GASK1A: variants seen among roughly 807,000 people sequenced by gnomAD.
The protein encoded by GASK1A is Golgi-associated kinase 1A.
A neutral mutation model predicts 41.2 loss-of-function variants in GASK1A; 40 were observed. The observed-to-expected ratio is 0.97, with a 90% CI of 0.75 to 1.27. GASK1A has a LOEUF of 1.27. Ranked by LOEUF, GASK1A falls within the 50% of genes most tolerant of loss-of-function variation. The pLI is 0.00. For synonymous variants in GASK1A, 316 were observed against 307.1 expected (o/e 1.03, Z -0.30); for missense variants, 678 against 745.1 (o/e 0.91, Z 1.05).
At chr3:43,055,837 C>G (rs1575454703) in intron 4 of GASK1A, 1 of 469,960 alleles carries the variant, frequency 2.1e-6, no homozygotes, top group African/African-American at 1.9e-5. Flanking sequence ...AGAGTCTACC[C>G]CTCCCAGCTC....
chr3:43,052,959 GTA>G (rs1474009416), intron 2 of GASK1A, among the ~76,000 whole-genome samples: 6 of 152,224 alleles, frequency 3.9e-5, no homozygotes, highest in African/African-American at 1.4e-4. Context: ...GGTGTCATCT[GTA>G]TGTGTCTATT....
chr3:43,006,760 A>C (rs1385683185), intron 1 of GASK1A, among the ~76,000 whole-genome samples: 1 of 152,180 alleles, frequency 6.6e-6, no homozygotes, highest in Non-Finnish European at 1.5e-5. Context: ...CTCAGGAAAC[A>C]CCCAAAGAGA....
intron 2 of GASK1A, among the ~76,000 whole-genome samples, chr3:43,044,394 G>T (rs1176827881): frequency 1.3e-5 from 2 of 152,146 alleles, no homozygotes; most frequent in African/African-American, 2.4e-5. Context: ...AGTGGGGGGT[G>T]AGGACAGTGC....
chr3:42,986,124 C>T (rs976622676), intron 1 of GASK1A, among the ~76,000 whole-genome samples: 8 of 152,178 alleles, frequency 5.3e-5, no homozygotes, highest in Non-Finnish European at 7.3e-5. Flanking sequence ...TATGTCCATA[C>T]GGTGGACTAC....
In GASK1A at chr3:43,032,977, G is replaced by T. The variant is rs781627439; in HGVS notation, c.714G>T (p.Gly238=). 6.4e-7 allele frequency: 1 copy of T among 1,551,326 alleles called. No individual in the cohort carries two copies. Among genetic ancestry groups the T allele is most frequent in the Non-Finnish European group, 8.7e-7 (1 of 1,146,882 alleles). ...CTGGCTCTGTTGAGAAGCTGCAAGG[G>T]TCAGTATGGTGTGATGCTGAGACGC... The part of the protein sequence containing the change: ...QWPGSVEKLQ[G]SVWCDAETLL... Residue 238 remains glycine (G), a synonymous_variant, in exon 2 of 5, where the codon GGG becomes GGT. Transcript: ENST00000430121.
chr3:43,011,403 G>A (rs1262003781), intron 1 of GASK1A, among the ~76,000 whole-genome samples: 2 of 150,254 alleles, frequency 1.3e-5, no homozygotes, highest in Non-Finnish European at 2.9e-5. Context: ...AAAAAAAATG[G>A]TTAGGAGATC....
intron 1 of GASK1A, 90 bp from the exon 2 acceptor site, chr3:43,032,177 C>T: frequency 9.8e-7 from 1 of 1,015,276 alleles, no homozygotes; most frequent in Non-Finnish European, 1.4e-6. Context: ...ATGAACTGAG[C>T]ACCTCATTTG....
chr3:43,033,268 T>A lies in GASK1A; in HGVS notation c.1005T>A (p.Asp335Glu). Residue 335 changes from aspartate to glutamate, a missense_variant, in exon 2 of 5, where the codon GAT becomes GAA. By Grantham distance (45) the Asp-to-Glu change is conservative. Transcript: ENST00000430121. Reference sequence around the variant, plus strand: ...CTGAGGTCCTGTCCTTCCACGTAGATCGTGTGCTGGGGCTGCGCCGGAGCC... The same window carrying A: ...CTGAGGTCCTGTCCTTCCACGTAGAACGTGTGCTGGGGCTGCGCCGGAGCC... ...DLPEVLSFHV[D>E]RVLGLRRSLP... 1 of 1,551,644 alleles carries A rather than the reference T, an allele frequency of 6.4e-7. No homozygotes were observed. The highest frequency in any genetic ancestry group is 1.2e-5 in the South Asian group (1 of 84,050).
chr3:43,032,576 A>C lies in GASK1A; in HGVS notation c.313A>C (p.Arg105=), dbSNP rs954493352. The C allele has an allele frequency of 1.1e-5, 17 of 1,551,168 alleles. No homozygotes were observed. The highest frequency in any genetic ancestry group is 1.5e-5 in the Non-Finnish European group (17 of 1,146,614). The change falls in exon 2 of 5, where the codon AGG becomes CGG. Residue 105 remains arginine (R), a synonymous_variant. Coordinates refer to ENST00000430121, the MANE Select transcript of GASK1A (RefSeq NM_001129908.3). The stretch of plus-strand genomic sequence containing the variant: ...CCATAGAGCAAGAGTGGACAGAAGC[A>C]GGGAGTCCCCAGGAGGGGACCTCAG... The part of the protein sequence containing the change: ...QGHRARVDRS[R]ESPGGDLRHP...
In GASK1A at chr3:43,033,430, C is replaced by G; in HGVS notation, c.1167C>G (p.Ala389=). Residue 389 remains alanine (A), a synonymous_variant, in exon 2 of 5, where the codon GCC becomes GCG. Coordinates refer to ENST00000430121, the MANE Select transcript of GASK1A (RefSeq NM_001129908.3). ...CAGATGAGGATCAGAACTCTCTGGC[C>G]TTGGGCTGGCTGCAGTATCAGGCCC... The part of the protein sequence containing the change: ...SDPDEDQNSL[A]LGWLQYQALL... 6.4e-7 allele frequency: 1 copy of G among 1,551,506 alleles called. No homozygotes were observed. Among genetic ancestry groups the G allele is most frequent in the Non-Finnish European group, 8.7e-7 (1 of 1,147,004 alleles).
intron 2 of GASK1A, among the ~76,000 whole-genome samples, chr3:43,036,126 C>A (rs564940870): frequency 2.0e-5 from 3 of 152,244 alleles, no homozygotes; most frequent in Non-Finnish European, 2.9e-5. Context: ...CAGCGTGGGA[C>A]TCTTCCTCAG....
Position 43,033,347 on chromosome 3 carries a change from G to C in GASK1A, c.1084G>C (p.Asp362His), listed in dbSNP as rs958091587. The C allele has an allele frequency of 1.2e-5, 18 of 1,551,372 alleles. No homozygotes were observed. In the African/African-American group the frequency reaches 2.0e-4, roughly 18 times the overall value. The part of the protein sequence containing the change: ...HSPLLPYRYT[D>H]GGARPVIWWA... ...CCCCCTCCTGCCCTACCGATACACA[G>C]ACGGTGGAGCAAGGCCTGTCATCTG... Residue 362 changes from aspartate (D) to histidine (H), a missense_variant, in exon 2 of 5, where the codon GAC becomes CAC. Asp to His is a moderately conservative substitution (Grantham distance 81, BLOSUM62 -1). Coordinates refer to ENST00000430121, the MANE Select transcript of GASK1A (RefSeq NM_001129908.3).
In GASK1A at chr3:42,984,651, C is replaced by G. The variant is rs909559293; in HGVS notation, c.3+5006C>G. ...CTCACCACTTGTAGAGTCCAATTAA[C>G]AAGAGCAAGGTCTAGTATAAAGAAA... On this transcript the variant is annotated intron_variant, in intron 1 of 4. Coordinates refer to ENST00000430121, the MANE Select transcript of GASK1A (RefSeq NM_001129908.3). This position sits in a 1 kb window ranked among gnomAD's most constrained non-coding sequence, Gnocchi z 4.2. Among the ~76,000 whole-genome samples, 1 of 152,192 alleles carries G rather than the reference C, an allele frequency of 6.6e-6. No homozygotes were observed. The highest frequency in any genetic ancestry group is 2.4e-5 in the African/African-American group (1 of 41,442).
intron 2 of GASK1A, among the ~76,000 whole-genome samples, chr3:43,052,114 G>A (rs2089694105): frequency 6.6e-6 from 1 of 152,134 alleles, no homozygotes; most frequent in African/African-American, 2.4e-5. Flanking sequence ...TTAAGAAAAC[G>A]ACTAAAACCC....
At chr3:42,997,441 G>T (rs931990094) in intron 1 of GASK1A, among the ~76,000 whole-genome samples, 1 of 135,738 alleles carries the variant, frequency 7.4e-6, no homozygotes, top group South Asian at 2.3e-4. Context: ...AGAGAGAGGG[G>T]GGGGGGATCT....
At chr3:43,041,590 G>C (rs1450612041) in intron 2 of GASK1A, among the ~76,000 whole-genome samples, 1 of 152,192 alleles carries the variant, frequency 6.6e-6, no homozygotes, top group African/African-American at 2.4e-5. Flanking sequence ...TTGTCCATAA[G>C]AAGGCTATTT....
intron 1 of GASK1A, among the ~76,000 whole-genome samples, chr3:42,985,224 G>A (rs939093882): frequency 6.6e-6 from 1 of 152,134 alleles, no homozygotes; most frequent in Admixed American, 6.5e-5. Flanking sequence ...GGTTATAGGG[G>A]CCTCACTCTG....
At chr3:42,987,126 G>A (rs2089315903) in intron 1 of GASK1A, among the ~76,000 whole-genome samples, 1 of 152,254 alleles carries the variant, frequency 6.6e-6, no homozygotes, top group Non-Finnish European at 1.5e-5. Flanking sequence ...GCAGAGGGGT[G>A]CCTCCTTGGC....
intron 1 of GASK1A, among the ~76,000 whole-genome samples, chr3:42,986,940 C>T (rs1250426988): frequency 1.3e-5 from 2 of 152,204 alleles, no homozygotes; most frequent in Non-Finnish European, 2.9e-5. Context: ...CTTGTTCAGG[C>T]ATCCGGATGT....
Sources: allele counts gnomAD v4.1 joint callset (sites outside exome capture counted in the v4.1 genomes callset), GRCh38; gene constraint gnomAD v4.1.1; non-coding constraint Gnocchi (gnomAD v3.1); transcripts MANE v1.5; gene names NCBI Gene and HGNC (gene_info 2026-07-23, HGNC 2026-07-21).